The following TMEM74 variants were observed in gnomAD, a reference collection of about 807,000 sequenced individuals.
The protein encoded by TMEM74 is transmembrane protein 74.
In TMEM74, 13 loss-of-function variants were observed where a neutral mutation model predicts 18.1. That is an observed-to-expected ratio of 0.72 (90% CI 0.47 to 1.14). TMEM74 has a LOEUF of 1.14. Among genes scored for constraint, TMEM74 ranks in the 50% most tolerant of loss-of-function variants. TMEM74 has a pLI of 0.00. For missense variants in TMEM74, 372 were observed against 375.9 expected (o/e 0.99, Z 0.09); for synonymous variants, 159 against 146.6 (o/e 1.08, Z -0.61).
Position 108,670,034 on chromosome 8 carries a change from T to TAAAAAAA in TMEM74, n.120-14598_120-14597insTTTTTTT, listed in dbSNP as rs1563745188. Among the ~76,000 whole-genome samples, 2 of 113,912 alleles carry TAAAAAAA rather than the reference T, an allele frequency of 1.8e-5. 1 individual carries two copies. The allele number at this position is 113,912 out of a possible 152,430, so 74.7% of individuals were successfully genotyped here. A position where few individuals can be genotyped will look rare whatever the true frequency, so the allele number is the denominator to read the frequency against. Reference sequence around the variant, plus strand: ...GCCTGGATGACAGAGTAAGATTCTGTGAAAAAAAAAAAAAAAAAAAAAAGG... The same window carrying TAAAAAAA: ...GCCTGGATGACAGAGTAAGATTCTGTAAAAAAAGAAAAAAAAAAAAAAAAAAAAAAGG... On this transcript the variant is annotated intron_variant and non_coding_transcript_variant, in intron 1 of 3. Transcript: ENST00000518838.
intron 2 of TMEM74, among the ~76,000 whole-genome samples, chr8:108,617,065 C>T (rs1812391465): frequency 1.3e-5 from 2 of 151,682 alleles, no homozygotes; most frequent in Non-Finnish European, 2.9e-5. Flanking sequence ...GATCTATTCT[C>T]GGCATCTTGG....
intron 2 of TMEM74, chr8:108,653,058 T>C (rs1563741154): frequency 5.7e-6 from 1 of 176,236 alleles, no homozygotes; most frequent in African/African-American, 2.4e-5. Context: ...AGTTTGTATC[T>C]TTGATGGACT....
intron 1 of TMEM74, among the ~76,000 whole-genome samples, chr8:108,673,621 G>A (rs1813025019): frequency 6.6e-6 from 1 of 152,150 alleles, no homozygotes; most frequent in Non-Finnish European, 1.5e-5. Context: ...GCTTTAGAAG[G>A]AAGAAAAGTG....
chr8:108,636,964 G>A (rs1292011534), intron 2 of TMEM74, among the ~76,000 whole-genome samples: 1 of 152,000 alleles, frequency 6.6e-6, no homozygotes, highest in African/African-American at 2.4e-5. Flanking sequence ...GCTTCCAGTA[G>A]CTCTCTACCC....
chr8:108,610,170 G>A (rs1410162808), intron 2 of TMEM74, among the ~76,000 whole-genome samples: 1 of 152,142 alleles, frequency 6.6e-6, no homozygotes, highest in African/African-American at 2.4e-5. Flanking sequence ...GAAGATTATC[G>A]AAGGAGCACA....
In TMEM74 at chr8:108,784,131, T is replaced by C. The variant is rs752730949; in HGVS notation, c.*50A>G. 7.6e-6 allele frequency: 11 copies of C among 1,439,612 alleles called. No homozygotes were observed. The African/African-American group carries it at 1.0e-4, about 13-fold the overall frequency. 89.2% of individuals were successfully genotyped at this position (1,439,612 alleles called of 1,614,324 possible). A position where few individuals can be genotyped will look rare whatever the true frequency, so the allele number is the denominator to read the frequency against. ...TGTGAATTTTTATAAATTAACTTTT[T>C]TCATATTATAAAATGCCAAGGCAGA... On this transcript the variant is annotated 3_prime_UTR_variant, in exon 2 of 2. Coordinates refer to ENST00000297459, the MANE Select transcript of TMEM74 (RefSeq NM_153015.3).
At chr8:108,686,229 C>T (rs1317392695) in intron 1 of TMEM74, among the ~76,000 whole-genome samples, 1 of 152,070 alleles carries the variant, frequency 6.6e-6, no homozygotes, top group Non-Finnish European at 1.5e-5. Flanking sequence ...GACAGAGTCT[C>T]GCTCTGTCGC....
chr8:108,642,627 T>C (rs1812677210), intron 2 of TMEM74, among the ~76,000 whole-genome samples: 1 of 152,100 alleles, frequency 6.6e-6, no homozygotes, highest in African/African-American at 2.4e-5. Context: ...CTGAGATGAA[T>C]ACTCGTTTGA....
chr8:108,698,937 T>C (rs1248145357), intron 1 of TMEM74, among the ~76,000 whole-genome samples: 1 of 152,122 alleles, frequency 6.6e-6, no homozygotes, highest in Admixed American at 6.5e-5. Flanking sequence ...TGTCTGTAAA[T>C]GTGAGGATTA....
intron 1 of TMEM74, among the ~76,000 whole-genome samples, chr8:108,720,119 G>A (rs1432404190): frequency 6.6e-6 from 1 of 151,742 alleles, no homozygotes; most frequent in South Asian, 2.1e-4. Flanking sequence ...TCCACAAACA[G>A]ACAAGGGTTA....
chr8:108,719,271 A>G (rs1813561040), intron 1 of TMEM74, among the ~76,000 whole-genome samples: 3 of 152,102 alleles, frequency 2.0e-5, no homozygotes, highest in Admixed American at 1.3e-4. Flanking sequence ...TGTTATTTAG[A>G]TGCATTATCA....
chr8:108,781,998 A>T lies in TMEM74; in HGVS notation c.*2183T>A, dbSNP rs1814312501. Among the ~76,000 whole-genome samples, 1 of 152,172 alleles carries T rather than the reference A, an allele frequency of 6.6e-6. No individual in the cohort carries two copies. The highest frequency in any genetic ancestry group is 2.1e-4 in the South Asian group (1 of 4,828). On this transcript the variant is annotated 3_prime_UTR_variant, in exon 2 of 2. Transcript: ENST00000297459. ...GTTTAGTCTGCCATTTGGCTAATTA[A>T]TCCTGTTTCACCAATAAATAAAAAC...
chr8:108,643,144 A>G, intron 2 of TMEM74, among the ~76,000 whole-genome samples: 1 of 152,198 alleles, frequency 6.6e-6, no homozygotes, highest in East Asian at 1.9e-4. Context: ...CACGCTAGAG[A>G]AATACATAGC....
chr8:108,614,307 T>A (rs2130536370), intron 2 of TMEM74, among the ~76,000 whole-genome samples: 1 of 152,292 alleles, frequency 6.6e-6, no homozygotes, highest in East Asian at 1.9e-4. Context: ...TAATCTTAAA[T>A]CAATATTTTC....
At chr8:108,644,134 G>T (rs748053893) in intron 2 of TMEM74, among the ~76,000 whole-genome samples, 1 of 152,080 alleles carries the variant, frequency 6.6e-6, no homozygotes, top group Non-Finnish European at 1.5e-5. Flanking sequence ...AAACAGTACC[G>T]TATTGGTATA....
chr8:108,625,465 A>G (rs772533519), intron 2 of TMEM74, among the ~76,000 whole-genome samples: 6 of 152,016 alleles, frequency 3.9e-5, no homozygotes, highest in Non-Finnish European at 5.9e-5. Flanking sequence ...TTTCCAGTTC[A>G]CAAGTAGCTT....
chr8:108,663,030 A>G (rs183551666), intron 1 of TMEM74, among the ~76,000 whole-genome samples: 170 of 152,240 alleles, frequency 1.1e-3, no homozygotes, highest in Admixed American at 3.7e-3. Flanking sequence ...TCGGTTCCAT[A>G]TGAATTTTAA....
chr8:108,618,113 G>C (rs1366922694), intron 2 of TMEM74, among the ~76,000 whole-genome samples: 1 of 152,080 alleles, frequency 6.6e-6, no homozygotes, highest in African/African-American at 2.4e-5. Context: ...CTCCCTCACT[G>C]CCTCTCTCAC....
At chr8:108,774,602 C>T (rs926375851), downstream of TMEM74, among the ~76,000 whole-genome samples, 1 of 152,166 alleles carries the variant, frequency 6.6e-6, no homozygotes, top group Non-Finnish European at 1.5e-5. Context: ...GCTCACATTC[C>T]TTTGGTGCAA....
Sources: gnomAD v4.1 joint callset for allele counts (sites outside exome capture counted in the v4.1 genomes callset) on GRCh38, gnomAD v4.1.1 for gene constraint, MANE v1.5 for transcripts, NCBI Gene and HGNC (gene_info 2026-07-23, HGNC 2026-07-21) for gene names.